HECW2: variants seen among roughly 807,000 people sequenced by gnomAD.
HECW2 encodes E3 ubiquitin-protein ligase HECW2.
A neutral mutation model predicts 175.2 loss-of-function variants in HECW2; 61 were observed. The ratio of observed to expected loss-of-function variants is 0.35; its 90% CI spans 0.28 to 0.43. The LOEUF is 0.43. Ranked by LOEUF, HECW2 falls within the 20% of genes least tolerant of loss-of-function variation. HECW2 has a pLI of 1.00. For missense variants in HECW2, 1,524 were observed against 2,000.5 expected, an observed-to-expected ratio of 0.76 and a Z score of 4.54; for synonymous variants, 671 against 731.0, an observed-to-expected ratio of 0.92 and a Z score of 1.32.
rs568739049 is a variant in HECW2 at position 196,205,209 on chromosome 2, G to A, written c.4608-3821C>T. Among the ~76,000 whole-genome samples, 154 of 152,290 alleles carry A rather than the reference G, an allele frequency of 1.0e-3. 1 individual carries two copies. Among genetic ancestry groups the A allele is most frequent in the Admixed American group, 2.3e-3 (35 of 15,296 alleles). On this transcript the variant is annotated intron_variant, in intron 28 of 28. Transcript: ENST00000644978. ...ATGGGGAAAGCATATATTGTGGAGG[G>A]GGAAACTGTGTGGAAAGATTAAATG...
chr2:196,522,953 T>G (rs1441003316), intron 1 of HECW2, among the ~76,000 whole-genome samples: 1 of 152,142 alleles, frequency 6.6e-6, no homozygotes, highest in Non-Finnish European at 1.5e-5. Flanking sequence ...ATTGACTTGG[T>G]GATGCGGGCT....
At chr2:196,535,377 A>C (rs1688987283) in intron 1 of HECW2, among the ~76,000 whole-genome samples, 1 of 152,224 alleles carries the variant, frequency 6.6e-6, no homozygotes, top group Non-Finnish European at 1.5e-5. Flanking sequence ...AAGATTCCAA[A>C]TACATCAATG....
intron 2 of HECW2, among the ~76,000 whole-genome samples, chr2:196,383,077 A>G (rs1694252359): frequency 6.6e-6 from 1 of 152,206 alleles, no homozygotes; most frequent in Non-Finnish European, 1.5e-5. Flanking sequence ...TAACAAAGAT[A>G]GGAATAAAAG....
At chr2:196,588,538 T>A (rs934698442) in intron 1 of HECW2, among the ~76,000 whole-genome samples, 1 of 152,168 alleles carries the variant, frequency 6.6e-6, no homozygotes, top group African/African-American at 2.4e-5. Flanking sequence ...AGTCAACCAA[T>A]GAAAGAGATA....
intron 1 of HECW2, among the ~76,000 whole-genome samples, chr2:196,435,007 G>C (rs1176257092): frequency 6.6e-6 from 1 of 152,312 alleles, no homozygotes; most frequent in East Asian, 1.9e-4. Context: ...GGATGAAGAG[G>C]ACATGCTCCT....
rs1272883713 is a variant in HECW2, at chr2:196,200,175, C to T, written c.*1102G>A. ...ATCTTAAAAAATTATTACTTAGATG[C>T]ACAGTCCTTGTAGTGGTAGACACGG... On this transcript the variant is annotated 3_prime_UTR_variant, in exon 29 of 29. Transcript: ENST00000644978. 1.3e-5 allele frequency: 2 copies of T among 152,544 alleles called. No individual in the cohort carries two copies. 9.4% of individuals were successfully genotyped at this position (152,544 alleles called of 1,614,324 possible).
chr2:196,382,237 A>G (rs1014728375), intron 2 of HECW2, among the ~76,000 whole-genome samples: 10 of 151,798 alleles, frequency 6.6e-5, no homozygotes, highest in African/African-American at 1.2e-4. Context: ...GTGTATATAT[A>G]TATATATATA....
intron 1 of HECW2, among the ~76,000 whole-genome samples, chr2:196,446,541 T>C (rs1528398): frequency 0.37 from 56,421 of 152,170 alleles, 13,981 homozygotes; most frequent in African/African-American, 0.71. Context: ...GCACCTGGAA[T>C]AATGTTTCAC....
At chr2:196,226,008 G>T in intron 22 of HECW2, 138 bp from the exon 23 acceptor site, 1 of 604,408 alleles carries the variant, frequency 1.7e-6, no homozygotes, top group Non-Finnish European at 3.1e-6. Flanking sequence ...GTGAGAATTT[G>T]TAGGCACCAT....
intron 1 of HECW2, among the ~76,000 whole-genome samples, chr2:196,506,642 G>A (rs1163429047): frequency 2.0e-5 from 3 of 151,804 alleles, no homozygotes; most frequent in Non-Finnish European, 4.4e-5. Context: ...TACCACTGTA[G>A]TACACAGAAA....
intron 1 of HECW2, among the ~76,000 whole-genome samples, chr2:196,573,931 T>C (rs1487021848): frequency 4.0e-5 from 6 of 150,974 alleles, no homozygotes; most frequent in Non-Finnish European, 5.9e-5. Flanking sequence ...CTGTAATCCC[T>C]GCTACTTGGG....
rs138323650 is a variant in HECW2, at chr2:196,497,788, C to T, written c.-35-64330G>A. ...TAGCCATAGAGAAGTTACCTAACCACAGAGGGTCCTGCTCCATACCCAGAA... is the reference window on the plus strand; with the variant it reads ...TAGCCATAGAGAAGTTACCTAACCATAGAGGGTCCTGCTCCATACCCAGAA... On this transcript the variant is annotated intron_variant, in intron 1 of 28. Coordinates refer to ENST00000644978, the MANE Select transcript of HECW2 (RefSeq NM_001348768.2). 5.8e-4 allele frequency among the ~76,000 whole-genome samples: 89 copies of T among 152,326 alleles called. No individual in the cohort carries two copies. The East Asian group carries it at 9.1e-3, about 15-fold the overall frequency.
intron 13 of HECW2, among the ~76,000 whole-genome samples, chr2:196,299,821 C>T (rs182242920): frequency 4.0e-5 from 6 of 151,878 alleles, no homozygotes; most frequent in South Asian, 4.2e-4. Context: ...CCCAGCTACC[C>T]GGGAGGCTGA....
At chr2:196,585,253 C>A (rs902188664) in intron 1 of HECW2, among the ~76,000 whole-genome samples, 2 of 152,160 alleles carry the variant, frequency 1.3e-5, no homozygotes, top group African/African-American at 4.8e-5. Flanking sequence ...CTTATCTGGA[C>A]AGAGCCATGT....
chr2:196,343,290 T>C (rs1692830253), intron 3 of HECW2, among the ~76,000 whole-genome samples: 1 of 152,218 alleles, frequency 6.6e-6, no homozygotes, highest in Non-Finnish European at 1.5e-5. Context: ...CTAACATAAA[T>C]GCTATGCAAA....
At chr2:196,397,091 G>A (rs561131468) in intron 2 of HECW2, among the ~76,000 whole-genome samples, 2 of 151,768 alleles carry the variant, frequency 1.3e-5, no homozygotes, top group South Asian at 4.2e-4. Flanking sequence ...CAGCCTGGGG[G>A]ACAGAGCGAG....
chr2:196,526,953 G>A (rs1337230790), intron 1 of HECW2, among the ~76,000 whole-genome samples: 1 of 152,108 alleles, frequency 6.6e-6, no homozygotes, highest in Non-Finnish European at 1.5e-5. Flanking sequence ...CCTGCCCCCA[G>A]AGGTGGAGCC....
chr2:196,267,481 A>G (rs1689561291), intron 17 of HECW2, among the ~76,000 whole-genome samples: 3 of 152,250 alleles, frequency 2.0e-5, no homozygotes, highest in South Asian at 2.1e-4. Context: ...TGTGGTACTG[A>G]CGTTTGGAAG....
chr2:196,318,814 GCCA>G lies in HECW2; in HGVS notation c.2073_2075del (p.Gly692del), dbSNP rs1290719050. The stretch of plus-strand genomic sequence containing the variant: ...CGGATTCCTGCGACCCTTCGGCAGG[GCCA>G]CTGCTGGTGGGCTCTGCTGCACAGG... On this transcript the variant is annotated inframe_deletion, in exon 9 of 29. Coordinates refer to ENST00000644978, the MANE Select transcript of HECW2 (RefSeq NM_001348768.2). 6.5e-7 allele frequency: 1 copy of G among 1,531,730 alleles called. No homozygotes were observed. Among genetic ancestry groups the G allele is most frequent in the Non-Finnish European group, 8.8e-7 (1 of 1,138,440 alleles). 94.9% of individuals were successfully genotyped at this position (1,531,730 alleles called of 1,614,324 possible).
Sources: gnomAD v4.1 joint callset for allele counts (sites outside exome capture counted in the v4.1 genomes callset) on GRCh38, gnomAD v4.1.1 for gene constraint, MANE v1.5 for transcripts, NCBI Gene and HGNC (gene_info 2026-07-23, HGNC 2026-07-21) for gene names.